The following PALS2 variants were observed in gnomAD, a reference collection of about 807,000 sequenced individuals.
The protein encoded by PALS2 is protein associated with LIN7 2, MAGUK p55 family member.
In PALS2, 27 loss-of-function variants were observed where a neutral mutation model predicts 61.6. That is an observed-to-expected ratio of 0.44 (90% CI 0.32 to 0.60). The LOEUF (loss-of-function observed/expected upper bound fraction) is 0.60, where lower values mean the gene tolerates loss of function less well. Among genes scored for constraint, PALS2 ranks in the 20% least tolerant of loss-of-function variants. The probability of loss-of-function intolerance (pLI) is 0.05; values close to 1 mark genes in which losing one functional copy is unlikely to be tolerated. For missense variants in PALS2, 554 were observed against 639.4 expected, an observed-to-expected ratio of 0.87 and a Z score of 1.44; for synonymous variants, 236 against 218.6, an observed-to-expected ratio of 1.08 and a Z score of -0.70.
intron 1 of PALS2, among the ~76,000 whole-genome samples, chr7:24,602,561 A>G (rs1167191153): frequency 6.6e-6 from 1 of 152,210 alleles, no homozygotes; most frequent in Admixed American, 6.5e-5. Flanking sequence ...AGTAAAGACC[A>G]AGCTGAAGGC....
chr7:24,606,983 A>C (rs372536034), intron 1 of PALS2, among the ~76,000 whole-genome samples: 1 of 152,164 alleles, frequency 6.6e-6, no homozygotes, highest in African/African-American at 2.4e-5. Context: ...AGTTTTGACT[A>C]TGACCTGTCA....
At chr7:24,594,113 C>G (rs1000060351) in intron 1 of PALS2, among the ~76,000 whole-genome samples, 1 of 152,118 alleles carries the variant, frequency 6.6e-6, no homozygotes, top group African/African-American at 2.4e-5. Context: ...CTTCACCTTA[C>G]ACTTTTATGT....
intron 1 of PALS2, among the ~76,000 whole-genome samples, chr7:24,608,615 A>AATTTTT (rs1784009235): frequency 1.3e-5 from 2 of 151,958 alleles, no homozygotes; most frequent in South Asian, 4.2e-4. Flanking sequence ...TTTTAATTTT[A>AATTTTT]ATTTTTGTTT....
Position 24,692,763 on chromosome 7 carries a change from A to T in PALS2, c.*5149A>T, listed in dbSNP as rs1177750852. Reference sequence around the variant, plus strand: ...AGCAAGCAATCCAGTACTCGGTTACACCAGAAGACTCTGATCTTTGCCCCC... The same window carrying T: ...AGCAAGCAATCCAGTACTCGGTTACTCCAGAAGACTCTGATCTTTGCCCCC... On this transcript the variant is annotated 3_prime_UTR_variant, in exon 12 of 12. Coordinates refer to ENST00000222644, the MANE Select transcript of PALS2 (RefSeq NM_001303037.2). 1 of 152,196 alleles carries T rather than the reference A, an allele frequency of 6.6e-6. No homozygotes were observed. The highest frequency in any genetic ancestry group is 1.5e-5 in the Non-Finnish European group (1 of 68,032). 9.4% of individuals were successfully genotyped at this position (152,196 alleles called of 1,614,324 possible).
At chr7:24,685,674 A>G (rs1249734354) in intron 11 of PALS2, among the ~76,000 whole-genome samples, 1 of 146,414 alleles carries the variant, frequency 6.8e-6, no homozygotes, top group Non-Finnish European at 1.5e-5. Context: ...TTTTTAACAA[A>G]TCAGATTGCT....
rs551354609 is a variant in PALS2 at position 24,596,392 on chromosome 7, T to A, written c.-3+22799T>A. ...CTAGGTATTTTTGTAAGTATATATA[T>A]AAAGTATTATTTTGAAAACAGACCC... On this transcript the variant is annotated intron_variant, in intron 1 of 11. Coordinates refer to ENST00000222644, the MANE Select transcript of PALS2 (RefSeq NM_001303037.2). The surrounding 1 kb of genome is among the most constrained non-coding windows in gnomAD (Gnocchi z 4.5). Among the ~76,000 whole-genome samples, 2 of 152,290 alleles carry A rather than the reference T, an allele frequency of 1.3e-5. No individual in the cohort carries two copies. Among genetic ancestry groups the A allele is most frequent in the South Asian group, 4.1e-4 (2 of 4,834 alleles).
At chr7:24,587,206 G>C (rs922431956) in intron 1 of PALS2, among the ~76,000 whole-genome samples, 2 of 151,996 alleles carry the variant, frequency 1.3e-5, no homozygotes, top group African/African-American at 4.8e-5. Flanking sequence ...ATTATATACT[G>C]TTAAAAACAT....
intron 2 of PALS2, 74 bp from the exon 3 acceptor site, chr7:24,641,642 A>T: frequency 1.5e-6 from 2 of 1,322,552 alleles, no homozygotes; most frequent in African/African-American, 1.5e-5. Context: ...AAACTTTACG[A>T]AAAAGAAATA....
intron 5 of PALS2, among the ~76,000 whole-genome samples, chr7:24,660,267 T>TA (rs34883946): frequency 0.51 from 77,315 of 151,936 alleles, 23,614 homozygotes; most frequent in African/African-American, 0.84. Flanking sequence ...TCAAAAAATG[T>TA]AATATGTATT....
At position 24,692,288 on chromosome 7, in the gene PALS2, A is replaced by AG. The variant is rs1380795370; in HGVS notation, c.*4677dup. 6.6e-6 allele frequency: 1 copy of AG among 152,190 alleles called. No individual in the cohort carries two copies. Among genetic ancestry groups the AG allele is most frequent in the African/African-American group, 2.4e-5 (1 of 41,468 alleles). 9.4% of individuals were successfully genotyped at this position (152,190 alleles called of 1,614,324 possible). On this transcript the variant is annotated 3_prime_UTR_variant, in exon 12 of 12. Coordinates refer to ENST00000222644, the MANE Select transcript of PALS2 (RefSeq NM_001303037.2). ...ATTCTCTAGTGATAAAAGTAAAGAC[A>AG]GGGTACTGGCCAAGATCCTAATTCT...
rs930234849 is a variant in PALS2, at chr7:24,689,390, G to T, written c.*1776G>T. Reference sequence around the variant, plus strand: ...CATCTTTGTCTGGTGTTAGGTGCCAGACACCTGGCTGCTGAATTTGTTTTT... The same window carrying T: ...CATCTTTGTCTGGTGTTAGGTGCCATACACCTGGCTGCTGAATTTGTTTTT... On this transcript the variant is annotated 3_prime_UTR_variant, in exon 12 of 12. Transcript: ENST00000222644. 1.3e-5 allele frequency: 2 copies of T among 152,186 alleles called. No individual in the cohort carries two copies. Among genetic ancestry groups the T allele is most frequent in the African/African-American group, 4.8e-5 (2 of 41,444 alleles). The allele number at this position is 152,186 out of a possible 1,614,324, so 9.4% of individuals were successfully genotyped here.
intron 5 of PALS2, among the ~76,000 whole-genome samples, chr7:24,658,800 C>G (rs1786563998): frequency 6.6e-6 from 1 of 152,004 alleles, no homozygotes; most frequent in Admixed American, 6.6e-5. Flanking sequence ...CGTGATCCAT[C>G]TGCGTCAGCC....
At chr7:24,652,500 T>C (rs911759352) in intron 5 of PALS2, among the ~76,000 whole-genome samples, 41 of 152,036 alleles carry the variant, frequency 2.7e-4, no homozygotes, top group Non-Finnish European at 7.4e-5. Flanking sequence ...AGGAGTCTTA[T>C]AAGTCCGAGG....
At chr7:24,638,160 C>T in intron 2 of PALS2, among the ~76,000 whole-genome samples, 1 of 151,694 alleles carries the variant, frequency 6.6e-6, no homozygotes, top group Non-Finnish European at 1.5e-5. Flanking sequence ...CATCTCAGAG[C>T]TTAAAAAGCT....
At chr7:24,642,119 A>G (rs554851381) in intron 3 of PALS2, among the ~76,000 whole-genome samples, 1 of 152,178 alleles carries the variant, frequency 6.6e-6, no homozygotes, top group African/African-American at 2.4e-5. Context: ...TTGTGCCATT[A>G]AAGAAAACAA....
chr7:24,678,392 A>G (rs1787736400), intron 9 of PALS2, among the ~76,000 whole-genome samples: 1 of 152,204 alleles, frequency 6.6e-6, no homozygotes, highest in Admixed American at 6.5e-5. Flanking sequence ...AGACCATAAT[A>G]ATAATGAGGC....
intron 5 of PALS2, among the ~76,000 whole-genome samples, chr7:24,652,853 CTT>C (rs1253709824): frequency 6.6e-6 from 1 of 152,180 alleles, no homozygotes; most frequent in East Asian, 1.9e-4. Flanking sequence ...AGTAGATGAT[CTT>C]TATCAGAATC....
At chr7:24,606,700 C>T (rs1013860523) in intron 1 of PALS2, among the ~76,000 whole-genome samples, 15 of 152,008 alleles carry the variant, frequency 9.9e-5, no homozygotes, top group African/African-American at 3.4e-4. Context: ...GCCTCAGCCT[C>T]CCAAAGTTCT....
chr7:24,613,245 G>A (rs754368030), intron 1 of PALS2, among the ~76,000 whole-genome samples: 30 of 151,398 alleles, frequency 2.0e-4, no homozygotes, highest in Non-Finnish European at 4.4e-5. Context: ...TTTTTAAAGA[G>A]AGGACCCTTG....
Sources: gnomAD v4.1 joint callset for allele counts (sites outside exome capture counted in the v4.1 genomes callset) on GRCh38, gnomAD v4.1.1 for gene constraint, Gnocchi (gnomAD v3.1) non-coding constraint, MANE v1.5 for transcripts, NCBI Gene and HGNC (gene_info 2026-07-23, HGNC 2026-07-21) for gene names.